Variants in PRKN observed in about 807,000 individuals in gnomAD.
PRKN encodes the protein parkin RBR E3 ubiquitin protein ligase.
Under a neutral mutation model 59.5 loss-of-function variants are expected in PRKN, and 56 were observed. The ratio of observed to expected loss-of-function variants is 0.94; its 90% confidence interval spans 0.76 to 1.18. The LOEUF is 1.18. Ranked by LOEUF, PRKN falls within the 50% of genes most tolerant of loss-of-function variation. The pLI, the probability that PRKN is intolerant of heterozygous loss-of-function variation, is 0.00. For missense variants in PRKN, 657 were observed against 596.4 expected (o/e 1.10, Z -1.06); for synonymous variants, 250 against 222.1 (o/e 1.13, Z -1.12).
intron 9 of PRKN, among the ~76,000 whole-genome samples, chr6:161,512,419 G>A (rs1778426792): frequency 6.6e-6 from 1 of 152,190 alleles, no homozygotes; most frequent in African/African-American, 2.4e-5. Context: ...GAAGTGTATT[G>A]CTATTGTAAG....
intron 7 of PRKN, among the ~76,000 whole-genome samples, chr6:161,591,836 C>G (rs888670999): frequency 6.6e-6 from 1 of 152,038 alleles, no homozygotes; most frequent in Non-Finnish European, 1.5e-5. Flanking sequence ...TTTACCCGGC[C>G]CTTTAGAAGA....
chr6:161,782,317 T>C (rs1012970501), intron 7 of PRKN, among the ~76,000 whole-genome samples: 2 of 151,966 alleles, frequency 1.3e-5, no homozygotes, highest in African/African-American at 4.8e-5. Flanking sequence ...TAAAGAAAAA[T>C]GTGTATAATC....
At chr6:162,478,400 T>C (rs1462655729) in intron 1 of PRKN, among the ~76,000 whole-genome samples, 3 of 152,156 alleles carry the variant, frequency 2.0e-5, no homozygotes, top group African/African-American at 7.2e-5. Flanking sequence ...TGTCTGTTCA[T>C]TAAACGCACA....
At chr6:161,724,582 A>T (rs1787363393) in intron 7 of PRKN, among the ~76,000 whole-genome samples, 1 of 152,182 alleles carries the variant, frequency 6.6e-6, no homozygotes, top group Admixed American at 6.5e-5. Flanking sequence ...ATCTAATATC[A>T]TTTAGTTTCT....
At chr6:161,829,038 C>A (rs1035183113) in intron 6 of PRKN, among the ~76,000 whole-genome samples, 1 of 151,888 alleles carries the variant, frequency 6.6e-6, no homozygotes, top group Non-Finnish European at 1.5e-5. Flanking sequence ...ACCAGCCTGG[C>A]CAACATGGTG....
intron 6 of PRKN, among the ~76,000 whole-genome samples, chr6:161,879,004 T>C (rs544217654): frequency 3.3e-5 from 5 of 152,296 alleles, no homozygotes; most frequent in African/African-American, 1.2e-4. Context: ...CACCATTTCA[T>C]GTCTTATCTT....
At chr6:162,263,846 C>T (rs542801335) in intron 2 of PRKN, among the ~76,000 whole-genome samples, 7 of 151,998 alleles carry the variant, frequency 4.6e-5, no homozygotes, top group South Asian at 2.1e-4. Flanking sequence ...CCCAGCTACT[C>T]GGGAGGCTGA....
rs978793995 is a variant in PRKN, at chr6:161,395,689, A to G, written c.1084-8812T>C. Among the ~76,000 whole-genome samples, 1 of 152,206 alleles carries G rather than the reference A, an allele frequency of 6.6e-6. No individual in the cohort carries two copies. Among genetic ancestry groups the G allele is most frequent in the African/African-American group, 2.4e-5 (1 of 41,438 alleles). The stretch of plus-strand genomic sequence containing the variant: ...CAGCACTTTTGCTAAGACCTTCTTT[A>G]TACATGTTTTGTCACCACAGAGTTG... On this transcript the variant is annotated intron_variant, in intron 9 of 11. Transcript: ENST00000366898. The surrounding 1 kb of genome is among the most constrained non-coding windows in gnomAD (Gnocchi z 5.0).
chr6:162,418,613 A>AGAGTGTGTGTGTGTGTGTGTGT (rs1788769264), intron 2 of PRKN, among the ~76,000 whole-genome samples: 1 of 126,324 alleles, frequency 7.9e-6, no homozygotes, highest in Non-Finnish European at 1.6e-5. Context: ...AGGGACAGAC[A>AGAGTGTGTGTGTGTGTGTGTGT]GTGTGTGTGT....
intron 2 of PRKN, among the ~76,000 whole-genome samples, chr6:162,296,630 A>G (rs1054277888): frequency 2.0e-5 from 3 of 152,196 alleles, no homozygotes; most frequent in African/African-American, 7.2e-5. Context: ...TAAAGCAAAA[A>G]TGAACGCACT....
At chr6:161,765,512 T>C (rs7750784) in intron 7 of PRKN, among the ~76,000 whole-genome samples, 128,046 of 152,144 alleles carry the variant, frequency 0.84, 54,336 homozygotes, top group East Asian at 0.97. Context: ...CAGTATGCTA[T>C]ACTTAGCATG....
chr6:162,317,092 C>G (rs1782783145), intron 2 of PRKN, among the ~76,000 whole-genome samples: 1 of 151,748 alleles, frequency 6.6e-6, no homozygotes, highest in Admixed American at 6.6e-5. Context: ...TCATTTCATT[C>G]AAACATTAAA....
intron 2 of PRKN, among the ~76,000 whole-genome samples, chr6:162,353,909 G>C (rs1257608134): frequency 6.6e-6 from 1 of 152,168 alleles, no homozygotes; most frequent in Non-Finnish European, 1.5e-5. Context: ...AAATCTGCTA[G>C]AAGTAGGGAC....
chr6:161,779,333 C>T (rs1790089018), intron 7 of PRKN, among the ~76,000 whole-genome samples: 1 of 151,842 alleles, frequency 6.6e-6, no homozygotes, highest in African/African-American at 2.4e-5. Flanking sequence ...TGGGTTCCAT[C>T]AGCTCTTGTT....
chr6:162,599,527 C>G (rs1217415444), intron 1 of PRKN, among the ~76,000 whole-genome samples: 2 of 151,892 alleles, frequency 1.3e-5, no homozygotes, highest in African/African-American at 4.8e-5. Context: ...CAACAAAAAG[C>G]AGTCTCAACC....
At chr6:162,349,661 G>A (rs1025587090) in intron 2 of PRKN, among the ~76,000 whole-genome samples, 2 of 152,132 alleles carry the variant, frequency 1.3e-5, no homozygotes, top group African/African-American at 4.8e-5. Flanking sequence ...TTCCAATAAT[G>A]AGAGGTGATG....
intron 6 of PRKN, among the ~76,000 whole-genome samples, chr6:161,970,210 T>G (rs1014320439): frequency 1.3e-5 from 2 of 151,670 alleles, no homozygotes; most frequent in Admixed American, 6.6e-5. Context: ...CCTGGCTAAT[T>G]TTTATATTTT....
chr6:162,109,805 G>C (rs2128301860), intron 4 of PRKN, among the ~76,000 whole-genome samples: 1 of 152,256 alleles, frequency 6.6e-6, no homozygotes, highest in East Asian at 1.9e-4. Context: ...CGCCTTCTCA[G>C]CTGTTTATGA....
intron 6 of PRKN, among the ~76,000 whole-genome samples, chr6:161,933,460 A>G (rs1440197254): frequency 6.6e-6 from 1 of 152,204 alleles, no homozygotes; most frequent in Non-Finnish European, 1.5e-5. Context: ...GGCTTAATAG[A>G]CAACTGATGG....
Sources: allele counts gnomAD v4.1 joint callset (sites outside exome capture counted in the v4.1 genomes callset), GRCh38; gene constraint gnomAD v4.1.1; non-coding constraint Gnocchi (gnomAD v3.1); transcripts MANE v1.5; gene names NCBI Gene and HGNC (gene_info 2026-07-23, HGNC 2026-07-21).